SOX5: variants seen among roughly 807,000 people sequenced by gnomAD.
SOX5 encodes transcription factor SOX-5.
A neutral mutation model predicts 92.0 loss-of-function variants in SOX5; 9 were observed. That is an observed-to-expected ratio of 0.10 (90% CI 0.06 to 0.17). The LOEUF is 0.17. Among genes scored for constraint, SOX5 ranks in the 10% least tolerant of loss-of-function variants. The pLI, the probability that SOX5 is intolerant of heterozygous loss-of-function variation, is 1.00. For synonymous variants in SOX5, 344 were observed against 336.3 expected, an observed-to-expected ratio of 1.02 and a Z score of -0.25; for missense variants, 642 against 944.5, an observed-to-expected ratio of 0.68 and a Z score of 4.20.
intron 3 of SOX5, among the ~76,000 whole-genome samples, chr12:24,251,917 C>T (rs904340208): frequency 6.0e-5 from 9 of 149,746 alleles, no homozygotes; most frequent in Non-Finnish European, 3.0e-5. Context: ...TTTATCACAG[C>T]CCAATACACC....
At chr12:24,494,539 C>T (rs371537363) in intron 1 of SOX5, among the ~76,000 whole-genome samples, 18 of 152,268 alleles carry the variant, frequency 1.2e-4, no homozygotes, top group African/African-American at 4.3e-4. Flanking sequence ...TAGCTGAAGT[C>T]ACACCATAAG....
chr12:24,221,982 G>A (rs1960572775), intron 3 of SOX5, among the ~76,000 whole-genome samples: 1 of 152,228 alleles, frequency 6.6e-6, no homozygotes, highest in Non-Finnish European at 1.5e-5. Flanking sequence ...GGGAAGGCAA[G>A]GGTTGTGTAA....
intron 4 of SOX5, among the ~76,000 whole-genome samples, chr12:24,038,698 G>T (rs986966643): frequency 1.3e-5 from 2 of 151,990 alleles, no homozygotes; most frequent in African/African-American, 4.8e-5. Flanking sequence ...TTTTAGATTT[G>T]AGGTCCCCCT....
rs1310834432 is a variant in SOX5 at position 23,534,260 on chromosome 12, C to G, written c.2251G>C (p.Gly751Arg). The change falls in exon 15 of 15, where the codon GGG (glycine) becomes CGG (arginine). Residue 751 changes from glycine to arginine, a missense_variant. Gly to Arg is a moderately radical substitution (Grantham distance 125). Coordinates refer to ENST00000451604, the MANE Select transcript of SOX5 (RefSeq NM_006940.6). ...EEEDDPDVDYGSDSENHIAGQ... is the reference protein window; with the variant it reads ...EEEDDPDVDYRSDSENHIAGQ... Reference sequence around the variant, plus strand: ...GCAATATGGTTTTCACTGTCACTCCCATAATCTACATCTGGATCATCCTCT... The same window carrying G: ...GCAATATGGTTTTCACTGTCACTCCGATAATCTACATCTGGATCATCCTCT... 6.2e-7 allele frequency: 1 copy of G among 1,614,154 alleles called. No homozygotes were observed. The highest frequency in any genetic ancestry group is 2.2e-5 in the East Asian group (1 of 44,878).
intron 2 of SOX5, among the ~76,000 whole-genome samples, chr12:24,307,185 C>T (rs867253950): frequency 5.6e-4 from 85 of 152,226 alleles, no homozygotes; most frequent in African/African-American, 1.7e-3. Context: ...CTTTCACACA[C>T]GTCGTCTCAT....
In SOX5 at chr12:24,393,185, T is replaced by C. The variant is rs956167255; in HGVS notation, c.-250-24546A>G. Among the ~76,000 whole-genome samples, 1 of 152,168 alleles carries C rather than the reference T, an allele frequency of 6.6e-6. No individual in the cohort carries two copies. Among genetic ancestry groups the C allele is most frequent in the Admixed American group, 6.5e-5 (1 of 15,290 alleles). On this transcript the variant is annotated intron_variant, in intron 1 of 4. Coordinates refer to the SOX5 transcript ENST00000446891. The surrounding 1 kb of genome is among the most constrained non-coding windows in gnomAD (Gnocchi z 5.0). ...GAAGCTGGCAAAAAAACAAACCCAC[T>C]GCCTGGGGCAGCCTGGGGCTGATGG... is the stretch of plus-strand genomic sequence containing the variant.
intron 2 of SOX5, among the ~76,000 whole-genome samples, chr12:24,309,421 G>A (rs1440775977): frequency 6.6e-6 from 1 of 151,990 alleles, no homozygotes; most frequent in Non-Finnish European, 1.5e-5. Context: ...AGCTATTATT[G>A]TTATTCTCCA....
At chr12:23,913,224 T>C (rs568208433) in intron 1 of SOX5, among the ~76,000 whole-genome samples, 1 of 152,318 alleles carries the variant, frequency 6.6e-6, no homozygotes, top group African/African-American at 2.4e-5. Context: ...AAATATATGC[T>C]TTAAATTGGA....
chr12:23,735,049 T>G (rs1049329313), intron 5 of SOX5, among the ~76,000 whole-genome samples: 8 of 152,330 alleles, frequency 5.3e-5, no homozygotes, highest in African/African-American at 1.7e-4. Context: ...AGTGATATAT[T>G]AAGAAGGCGC....
At chr12:24,309,500 A>ATTT (rs1948963036) in intron 2 of SOX5, among the ~76,000 whole-genome samples, 1 of 152,162 alleles carries the variant, frequency 6.6e-6, no homozygotes, top group Admixed American at 6.5e-5. Flanking sequence ...GCTCTTATTT[A>ATTT]AAATGTTTTT....
At chr12:23,999,741 A>C (rs1450323743) in intron 4 of SOX5, among the ~76,000 whole-genome samples, 1 of 152,040 alleles carries the variant, frequency 6.6e-6, no homozygotes, top group Non-Finnish European at 1.5e-5. Flanking sequence ...ACAGAAAAAA[A>C]CTCAACTGTT....
chr12:24,543,264 T>G (rs1952308538), intron 1 of SOX5, among the ~76,000 whole-genome samples: 1 of 152,220 alleles, frequency 6.6e-6, no homozygotes, highest in Non-Finnish European at 1.5e-5. Context: ...TCTCTTCTGC[T>G]TACCATTGTA....
At chr12:23,593,887 G>A (rs1419198158) in intron 9 of SOX5, among the ~76,000 whole-genome samples, 1 of 151,774 alleles carries the variant, frequency 6.6e-6, no homozygotes, top group Non-Finnish European at 1.5e-5. Context: ...AGGGAAGTGG[G>A]ATTTAAACAT....
intron 2 of SOX5, among the ~76,000 whole-genome samples, chr12:24,349,076 A>G (rs981350222): frequency 6.6e-6 from 1 of 152,186 alleles, no homozygotes; most frequent in Non-Finnish European, 1.5e-5. Context: ...TCATTTAAAC[A>G]TACCCAGCTC....
Position 24,212,578 on chromosome 12 carries a change from G to A in SOX5, c.-2+765C>T, listed in dbSNP as rs143140396. 2.6e-4 allele frequency: 128 copies of A among 489,056 alleles called. 1 individual carries two copies. The highest frequency in any genetic ancestry group is 2.0e-3 in the African/African-American group (98 of 49,654). The allele number at this position is 489,056 out of a possible 1,614,324, so 30.3% of individuals were successfully genotyped here. On this transcript the variant is annotated intron_variant, in intron 4 of 4. Transcript: ENST00000446891. ...TCATAACTAAGCAATAATAGTGAGA[G>A]TTGTGAGCATTGTTGAAACAACCAA...
chr12:24,348,126 T>C (rs1032660539), intron 2 of SOX5, among the ~76,000 whole-genome samples: 1 of 151,428 alleles, frequency 6.6e-6, no homozygotes, highest in African/African-American at 2.4e-5. Context: ...TGAGTCTTTG[T>C]GCAATGAGAG....
intron 9 of SOX5, among the ~76,000 whole-genome samples, chr12:23,600,433 G>A (rs959141558): frequency 6.7e-6 from 1 of 148,324 alleles, no homozygotes; most frequent in Admixed American, 6.8e-5. Context: ...AAATTTTATT[G>A]TAACAGCTGA....
chr12:23,889,586 A>G (rs2097107276), intron 2 of SOX5, among the ~76,000 whole-genome samples: 1 of 152,152 alleles, frequency 6.6e-6, no homozygotes, highest in African/African-American at 2.4e-5. Context: ...CCTCTCTATC[A>G]TGTGCATTGA....
At chr12:23,954,095 T>C (rs1291203040), upstream of SOX5, among the ~76,000 whole-genome samples, 1 of 152,102 alleles carries the variant, frequency 6.6e-6, no homozygotes. Context: ...ATTTTTGTCC[T>C]CATTTTAAAA....
Sources: allele counts gnomAD v4.1 joint callset (sites outside exome capture counted in the v4.1 genomes callset), GRCh38; gene constraint gnomAD v4.1.1; non-coding constraint Gnocchi (gnomAD v3.1); transcripts MANE v1.5; gene names NCBI Gene and HGNC (gene_info 2026-07-23, HGNC 2026-07-21).